ZNRF3: variants seen among roughly 807,000 people sequenced by gnomAD.
The protein encoded by ZNRF3 is zinc and ring finger 3, also known as E3 ubiquitin-protein ligase ZNRF3.
ZNRF3 carries 23 observed loss-of-function variants against 72.5 expected under a neutral mutation model. The ratio of observed to expected loss-of-function variants is 0.32; its 90% CI spans 0.23 to 0.45. The LOEUF (loss-of-function observed/expected upper bound fraction) is 0.45. Among genes scored for constraint, ZNRF3 ranks in the 20% least tolerant of loss-of-function variants. The pLI is 1.00. For missense variants in ZNRF3, 1,169 were observed against 1,272.1 expected (o/e 0.92, Z 1.23); for synonymous variants, 610 against 545.3 (o/e 1.12, Z -1.65).
At chr22:28,989,230 T>C (rs1226307831) in intron 2 of ZNRF3, among the ~76,000 whole-genome samples, 1 of 152,188 alleles carries the variant, frequency 6.6e-6, no homozygotes, top group Non-Finnish European at 1.5e-5. Context: ...CATTGCAGTT[T>C]GGCTTTGAGT....
intron 1 of ZNRF3, among the ~76,000 whole-genome samples, chr22:28,974,083 G>A (rs1254358134): frequency 1.3e-5 from 2 of 149,298 alleles, no homozygotes; most frequent in East Asian, 2.0e-4. Context: ...TCAGCCTCCC[G>A]AGTAGCTGGG....
At chr22:28,942,976 A>C (rs969371168) in intron 1 of ZNRF3, among the ~76,000 whole-genome samples, 3 of 152,068 alleles carry the variant, frequency 2.0e-5, no homozygotes, top group Non-Finnish European at 4.4e-5. Flanking sequence ...AATGGCTGCT[A>C]TTTCCAGAGC....
chr22:28,955,626 G>T (rs1238656441), intron 1 of ZNRF3, among the ~76,000 whole-genome samples: 1 of 152,092 alleles, frequency 6.6e-6, no homozygotes, highest in Non-Finnish European at 1.5e-5. Context: ...TTAAGGTTTG[G>T]ATTATGGGAA....
At chr22:29,016,516 A>AT (rs2036441093) in intron 2 of ZNRF3, among the ~76,000 whole-genome samples, 1 of 152,188 alleles carries the variant, frequency 6.6e-6, no homozygotes, top group African/African-American at 2.4e-5. Context: ...ATAAAGGTTA[A>AT]TTTAAGGACC....
intron 1 of ZNRF3, among the ~76,000 whole-genome samples, chr22:28,904,449 C>G (rs2034166997): frequency 6.6e-6 from 1 of 152,214 alleles, no homozygotes; most frequent in Non-Finnish European, 1.5e-5. Flanking sequence ...GCCTTCGCTC[C>G]TCAGATCACA....
chr22:29,021,750 A>G (rs2036544818), intron 2 of ZNRF3, among the ~76,000 whole-genome samples: 1 of 151,940 alleles, frequency 6.6e-6, no homozygotes, highest in Non-Finnish European at 1.5e-5. Context: ...GACCTCCCAA[A>G]GTGCTGGGAT....
At chr22:28,978,312 A>C (rs1176387540) in intron 1 of ZNRF3, among the ~76,000 whole-genome samples, 1 of 152,128 alleles carries the variant, frequency 6.6e-6, no homozygotes, top group Non-Finnish European at 1.5e-5. Context: ...TGTAACACCC[A>C]AATCTATATC....
intron 2 of ZNRF3, among the ~76,000 whole-genome samples, chr22:29,037,720 C>T (rs2036891164): frequency 6.6e-6 from 1 of 152,170 alleles, no homozygotes; most frequent in African/African-American, 2.4e-5. Flanking sequence ...AATAAAAGGA[C>T]CGTGGCAATC....
chr22:28,991,614 G>T (rs913719658), intron 2 of ZNRF3, among the ~76,000 whole-genome samples: 3 of 152,092 alleles, frequency 2.0e-5, no homozygotes, highest in African/African-American at 7.2e-5. Context: ...CACATGTTGG[G>T]TGCTCGCCGA....
chr22:28,923,513 T>C (rs1240049605), intron 1 of ZNRF3, among the ~76,000 whole-genome samples: 3 of 152,170 alleles, frequency 2.0e-5, no homozygotes, highest in Non-Finnish European at 2.9e-5. Context: ...CCTTTTTTTT[T>C]CAAGCTTTTA....
At chr22:28,909,437 A>AT (rs924069358) in intron 1 of ZNRF3, among the ~76,000 whole-genome samples, 19 of 147,014 alleles carry the variant, frequency 1.3e-4, no homozygotes, top group South Asian at 2.2e-4. Context: ...TTTTCATGGT[A>AT]TTTTTTTTTT....
At chr22:28,915,062 A>G (rs1245499721) in intron 1 of ZNRF3, among the ~76,000 whole-genome samples, 3 of 152,196 alleles carry the variant, frequency 2.0e-5, no homozygotes, top group Non-Finnish European at 2.9e-5. Context: ...CTTACACTGA[A>G]CCAAATTTCT....
At chr22:28,937,173 TAATATATATATATATATATA>T (rs1569252375) in intron 1 of ZNRF3, among the ~76,000 whole-genome samples, 1 of 95,516 alleles carries the variant, frequency 1.0e-5, no homozygotes, top group African/African-American at 5.6e-5. Flanking sequence ...TTCTCTCTTA[TAATATATATATATATATATA>T]TATATATATA....
At chr22:28,981,076 C>T (rs1256796807) in intron 1 of ZNRF3, among the ~76,000 whole-genome samples, 2 of 152,192 alleles carry the variant, frequency 1.3e-5, no homozygotes, top group East Asian at 1.9e-4. Flanking sequence ...ACACCATACA[C>T]GGAAGTATCC....
chr22:28,977,376 C>T (rs1195966239), intron 1 of ZNRF3, among the ~76,000 whole-genome samples: 1 of 152,132 alleles, frequency 6.6e-6, no homozygotes, highest in Non-Finnish European at 1.5e-5. Flanking sequence ...AAGGTTTAGG[C>T]TCTTTGTTCA....
chr22:28,890,267 G>A (rs1024556607), intron 1 of ZNRF3, among the ~76,000 whole-genome samples: 14 of 152,206 alleles, frequency 9.2e-5, no homozygotes, highest in Non-Finnish European at 1.3e-4. Flanking sequence ...TTGGGAAGCC[G>A]AGGCGGGCAG....
chr22:29,015,156 G>A (rs1193584026), intron 2 of ZNRF3, among the ~76,000 whole-genome samples: 2 of 152,090 alleles, frequency 1.3e-5, no homozygotes, highest in Non-Finnish European at 2.9e-5. Context: ...TAGGTATCTC[G>A]TTAAATATTC....
At chr22:29,009,257 T>C (rs1481274352) in intron 2 of ZNRF3, among the ~76,000 whole-genome samples, 1 of 152,070 alleles carries the variant, frequency 6.6e-6, no homozygotes, top group African/African-American at 2.4e-5. Flanking sequence ...AAGAAGGAAA[T>C]TCCAGCAGTG....
chr22:29,038,977 G>A (rs572303744), intron 2 of ZNRF3, among the ~76,000 whole-genome samples: 1 of 151,950 alleles, frequency 6.6e-6, no homozygotes, highest in Non-Finnish European at 1.5e-5. Flanking sequence ...GAGAGAGAGA[G>A]AGAGACAGAT....
Sources: gnomAD v4.1 joint callset for allele counts (sites outside exome capture counted in the v4.1 genomes callset) on GRCh38, gnomAD v4.1.1 for gene constraint, MANE v1.5 for transcripts, NCBI Gene and HGNC (gene_info 2026-07-23, HGNC 2026-07-21) for gene names.